Variants in ARFGEF2 observed in about 807,000 individuals in gnomAD.
ARFGEF2 encodes ARF guanine nucleotide exchange factor 2.
A neutral mutation model predicts 219.9 loss-of-function variants in ARFGEF2; 74 were observed. That is an observed-to-expected ratio of 0.34 (90% CI 0.28 to 0.41). ARFGEF2 has a LOEUF of 0.41. Ranked by LOEUF, ARFGEF2 falls within the 10% of genes least tolerant of loss-of-function variation. The pLI is 1.00. For synonymous variants in ARFGEF2, 733 were observed against 799.2 expected (o/e 0.92, Z 1.40); for missense variants, 1,743 against 2,218.3 (o/e 0.79, Z 4.30).
chr20:48,960,490 T>G (rs1320256699), intron 6 of ARFGEF2, among the ~76,000 whole-genome samples: 1 of 69,552 alleles, frequency 1.4e-5, no homozygotes, highest in African/African-American at 6.1e-5. Flanking sequence ...ATAATTTTCT[T>G]TTTTTTTTTT....
At position 48,953,556 on chromosome 20, in the gene ARFGEF2, T is replaced by C. The variant is rs2091085380; in HGVS notation, c.604T>C (p.Leu202=). 1 of 1,613,984 alleles carries C rather than the reference T, an allele frequency of 6.2e-7. No homozygotes were observed. The highest frequency in any genetic ancestry group is 1.3e-5 in the African/African-American group (1 of 75,002). The part of the protein sequence containing the change: ...VIFTRMENQV[L]QEARELEKPI... The stretch of plus-strand genomic sequence containing the variant: ...GTATCCCCCTTTTGTTGCCTTTTAG[T>C]TGCAGGAGGCCAGAGAACTGGAAAA... The change falls in exon 6 of 39, where the codon TTG becomes CTG. Residue 202 remains leucine, a splice_region_variant and synonymous_variant. Transcript: ENST00000371917.
chr20:48,973,492 C>T (rs193144519), intron 12 of ARFGEF2, among the ~76,000 whole-genome samples: 309 of 152,194 alleles, frequency 2.0e-3, no homozygotes, highest in Middle Eastern at 3.4e-3. Flanking sequence ...AAAGCAGGGA[C>T]GGCAGAGAGG....
intron 25 of ARFGEF2, among the ~76,000 whole-genome samples, chr20:49,002,966 T>C (rs1439968855): frequency 1.7e-5 from 1 of 59,432 alleles, no homozygotes; most frequent in African/African-American, 6.9e-5. Flanking sequence ...TTTTTTAACT[T>C]TTTTTTTTTT....
chr20:48,988,293 T>C lies in ARFGEF2; in HGVS notation c.2277-11T>C. 6.2e-7 allele frequency: 1 copy of C among 1,611,586 alleles called. No homozygotes were observed. Among genetic ancestry groups the C allele is most frequent in the African/African-American group, 1.3e-5 (1 of 74,994 alleles). ...ACCATGAATATTGATGTCTCGAATT[T>C]TTTTCTCCAGGCAAACTCTGTTTGC... On this transcript the variant is annotated splice_polypyrimidine_tract_variant and intron_variant, in intron 16 of 38. Coordinates refer to ENST00000371917, the MANE Select transcript of ARFGEF2 (RefSeq NM_006420.3).
At chr20:48,994,673 A>C (rs1341595754) in intron 22 of ARFGEF2, 75 bp downstream of exon 22, 4 of 1,585,398 alleles carry the variant, frequency 2.5e-6, no homozygotes, top group Non-Finnish European at 3.4e-6. Flanking sequence ...TTGTCTCATC[A>C]GGACTGTCCT....
rs1045503330 is a variant in ARFGEF2 at position 49,025,205 on chromosome 20, A to G, written c.4756-108A>G. 4 of 1,132,438 alleles carry G rather than the reference A, an allele frequency of 3.5e-6. No individual in the cohort carries two copies. The African/African-American group carries it at 6.2e-5, about 17-fold the overall frequency. 70.1% of individuals were successfully genotyped at this position (1,132,438 alleles called of 1,614,324 possible). On this transcript the variant is annotated intron_variant, in intron 35 of 38. Transcript: ENST00000371917. ...GTGTTGGGGAATAAGTGTGTCTTAT[A>G]GACAGGGATGACTTTTGGAGAGTCA...
chr20:49,012,891 G>A (rs1003455575), intron 28 of ARFGEF2, among the ~76,000 whole-genome samples: 35 of 152,298 alleles, frequency 2.3e-4, no homozygotes, highest in African/African-American at 6.0e-4. Flanking sequence ...CATAACCAGA[G>A]TTGCTAAAGA....
chr20:48,935,656 C>G (rs1316060189), intron 1 of ARFGEF2, among the ~76,000 whole-genome samples: 1 of 152,032 alleles, frequency 6.6e-6, no homozygotes, highest in Non-Finnish European at 1.5e-5. Context: ...CTCCTCACTT[C>G]CCAGTAGGGG....
rs141468045 is a variant in ARFGEF2 at position 48,955,588 on chromosome 20, G to A, written c.838+1798G>A. ...TGCTAGAACATAATTTTGTAGAAAC[G>A]CAGTAACTTGAAGTTCTGCTCTAAC... On this transcript the variant is annotated intron_variant, in intron 6 of 38. Transcript: ENST00000371917. 1.9e-3 allele frequency among the ~76,000 whole-genome samples: 296 copies of A among 152,306 alleles called. 1 individual carries two copies. Among genetic ancestry groups the A allele is most frequent in the African/African-American group, 6.8e-3 (282 of 41,556 alleles).
rs539149073 is a variant in ARFGEF2 at position 49,031,006 on chromosome 20, G to A, written c.5064-1043G>A. ...AGACTCCGTCTCAAAATAAAAAAAA[G>A]AGATATGTAAATGTCAAGTTTTTGG... On this transcript the variant is annotated intron_variant, in intron 37 of 38. Coordinates refer to ENST00000371917, the MANE Select transcript of ARFGEF2 (RefSeq NM_006420.3). 2.0e-5 allele frequency among the ~76,000 whole-genome samples: 3 copies of A among 152,114 alleles called. No homozygotes were observed. In the South Asian group the frequency reaches 6.2e-4, roughly 32 times the overall value.
In ARFGEF2 at chr20:48,969,241, C is replaced by G; in HGVS notation, c.1154C>G (p.Ser385Cys). ...GTGTTCCGCTCCCTGTGCAAGCTGT[C>G]CATGAAACCCCTTGGTGAAGGCCCT... ...FLVFRSLCKL[S>C]MKPLGEGPPD... Residue 385 changes from serine to cysteine, a missense_variant, in exon 9 of 39, where the codon TCC becomes TGC. Ser to Cys is a moderately radical substitution (Grantham distance 112). Transcript: ENST00000371917. 3 of 1,614,234 alleles carry G rather than the reference C, an allele frequency of 1.9e-6. No individual in the cohort carries two copies. The East Asian group carries it at 6.7e-5, about 36-fold the overall frequency.
chr20:48,959,264 T>A (rs1466295799), intron 6 of ARFGEF2, among the ~76,000 whole-genome samples: 1 of 152,006 alleles, frequency 6.6e-6, no homozygotes, highest in Non-Finnish European at 1.5e-5. Context: ...TGATACAGAT[T>A]GGAAACTGTC....
chr20:48,949,126 G>C (rs1398779244), intron 3 of ARFGEF2, among the ~76,000 whole-genome samples: 2 of 152,184 alleles, frequency 1.3e-5, no homozygotes, highest in Non-Finnish European at 2.9e-5. Flanking sequence ...GCACAGATGA[G>C]GGGGGAAGTC....
At chr20:48,950,825 T>A (rs1370605099) in intron 3 of ARFGEF2, among the ~76,000 whole-genome samples, 49 of 118,272 alleles carry the variant, frequency 4.1e-4, no homozygotes, top group African/African-American at 1.4e-3. Context: ...TATATATATA[T>A]ATATATATAT....
At chr20:48,931,207 G>A (rs2090911236) in intron 1 of ARFGEF2, among the ~76,000 whole-genome samples, 1 of 152,158 alleles carries the variant, frequency 6.6e-6, no homozygotes, top group African/African-American at 2.4e-5. Context: ...AGATGTGGAT[G>A]TTAAAAGTAT....
At chr20:48,926,569 C>T (rs1224413920) in intron 1 of ARFGEF2, among the ~76,000 whole-genome samples, 2 of 152,048 alleles carry the variant, frequency 1.3e-5, no homozygotes, top group Non-Finnish European at 2.9e-5. Flanking sequence ...GGTGATCCTC[C>T]CATTTCAGCC....
chr20:48,989,271 C>T lies in ARFGEF2; in HGVS notation c.2534-14C>T. On this transcript the variant is annotated splice_polypyrimidine_tract_variant and intron_variant, in intron 18 of 38. Transcript: ENST00000371917. ...GTGACTGCTAGCCACACCTATCATG[C>T]TCTTACTTTACAGATGTAGCTAGTG... 1.2e-6 allele frequency: 2 copies of T among 1,614,112 alleles called. No homozygotes were observed. The highest frequency in any genetic ancestry group is 1.7e-6 in the Non-Finnish European group (2 of 1,179,978).
intron 15 of ARFGEF2, 80 bp downstream of exon 15, chr20:48,984,920 G>C (rs2091317933): frequency 3.7e-6 from 6 of 1,607,264 alleles, no homozygotes; most frequent in Middle Eastern, 2.2e-4. Flanking sequence ...CCTCGAGATT[G>C]TCTGGCCCTA....
chr20:48,938,985 T>C (rs531812055), intron 1 of ARFGEF2, among the ~76,000 whole-genome samples: 1 of 150,772 alleles, frequency 6.6e-6, no homozygotes, highest in South Asian at 2.1e-4. Context: ...TGTTTGTTTT[T>C]TTTTTTTTTG....
Sources: allele counts gnomAD v4.1 joint callset (sites outside exome capture counted in the v4.1 genomes callset), GRCh38; gene constraint gnomAD v4.1.1; transcripts MANE v1.5; gene names NCBI Gene and HGNC (gene_info 2026-07-23, HGNC 2026-07-21).